SNTG1: variants seen among roughly 807,000 people sequenced by gnomAD.
The protein encoded by SNTG1 is gamma-1-syntrophin.
In SNTG1, 39 loss-of-function variants were observed where a neutral mutation model predicts 74.7. The ratio of observed to expected loss-of-function variants is 0.52; its 90% confidence interval spans 0.40 to 0.68. The LOEUF (loss-of-function observed/expected upper bound fraction) is 0.68. Among genes scored for constraint, SNTG1 ranks in the 30% least tolerant of loss-of-function variants. SNTG1 has a pLI of 0.00. For synonymous variants in SNTG1, 254 were observed against 217.1 expected, an observed-to-expected ratio of 1.17 and a Z score of -1.49; for missense variants, 685 against 609.5, an observed-to-expected ratio of 1.12 and a Z score of -1.30.
intron 1 of SNTG1, among the ~76,000 whole-genome samples, chr8:50,103,267 G>T (rs182871539): frequency 1.2e-4 from 18 of 152,234 alleles, no homozygotes; most frequent in African/African-American, 3.4e-4. Context: ...TCTTGAAGAG[G>T]TCCTTCACGT....
chr8:50,659,291 T>C (rs10958020), intron 15 of SNTG1, among the ~76,000 whole-genome samples: 32,668 of 152,068 alleles, frequency 0.21, 3,930 homozygotes, highest in African/African-American at 0.31. Context: ...AAAATTGGAA[T>C]AACCTATAAA....
intron 1 of SNTG1, among the ~76,000 whole-genome samples, chr8:50,123,563 G>C (rs2081059228): frequency 7.0e-6 from 1 of 142,458 alleles, no homozygotes; most frequent in African/African-American, 2.5e-5. Context: ...CATTATAAAA[G>C]ATGAAATATC....
At position 50,794,338 on chromosome 8, in the gene SNTG1, C is replaced by A. The variant is rs2095699668; in HGVS notation, c.*1509C>A. ...TCAAGTTGTTTTTATACTCATGATT[C>A]ATTAATTTATTTTGCATCAGATTAA... On this transcript the variant is annotated 3_prime_UTR_variant, in exon 19 of 19. Coordinates refer to ENST00000642720, the MANE Select transcript of SNTG1 (RefSeq NM_018967.5). 1 of 151,370 alleles carries A rather than the reference C, an allele frequency of 6.6e-6. No individual in the cohort carries two copies. The highest frequency in any genetic ancestry group is 6.6e-5 in the Admixed American group (1 of 15,146). The allele number at this position is 151,370 out of a possible 1,614,324, so 9.4% of individuals were successfully genotyped here.
chr8:50,138,230 G>A (rs377756167), intron 1 of SNTG1, among the ~76,000 whole-genome samples: 1 of 151,866 alleles, frequency 6.6e-6, no homozygotes, highest in East Asian at 1.9e-4. Context: ...TGTTTTCCAC[G>A]GATGACGAAA....
At chr8:49,989,876 G>A (rs1158530573) in intron 1 of SNTG1, among the ~76,000 whole-genome samples, 1 of 151,856 alleles carries the variant, frequency 6.6e-6, no homozygotes, top group Non-Finnish European at 1.5e-5. Context: ...TAATATAAAA[G>A]AAAAGCATAT....
intron 8 of SNTG1, among the ~76,000 whole-genome samples, chr8:50,484,403 T>TG (rs1423244401): frequency 6.6e-6 from 1 of 151,436 alleles, no homozygotes; most frequent in East Asian, 2.0e-4. Context: ...TTAGTAGAGA[T>TG]GGGGTTTCAC....
chr8:50,206,118 G>T (rs1453385499), intron 2 of SNTG1, among the ~76,000 whole-genome samples: 1 of 152,150 alleles, frequency 6.6e-6, no homozygotes. Context: ...GTCATTGGTA[G>T]CTTGATTGGG....
chr8:50,314,034 T>C (rs1279599711), intron 2 of SNTG1, among the ~76,000 whole-genome samples: 1 of 149,708 alleles, frequency 6.7e-6, no homozygotes, highest in Non-Finnish European at 1.5e-5. Flanking sequence ...ATGCTATCTT[T>C]TCAATCTTAG....
chr8:50,321,260 G>A (rs913664596), intron 2 of SNTG1, among the ~76,000 whole-genome samples: 4 of 152,062 alleles, frequency 2.6e-5, no homozygotes, highest in Admixed American at 6.6e-5. Context: ...TCCTCTTGCT[G>A]AATTGACTCC....
intron 18 of SNTG1, among the ~76,000 whole-genome samples, chr8:50,779,914 G>C (rs534843618): frequency 2.0e-3 from 128 of 65,420 alleles, no homozygotes; most frequent in African/African-American, 3.2e-3. Flanking sequence ...TAGCATGAAG[G>C]GTTGTTGAAT....
chr8:50,674,260 C>T (rs975794750), intron 15 of SNTG1, among the ~76,000 whole-genome samples: 17 of 151,978 alleles, frequency 1.1e-4, no homozygotes, highest in African/African-American at 4.1e-4. Flanking sequence ...GTACCAGCTC[C>T]TTTTTGTACC....
At chr8:50,234,644 G>T (rs371589312) in intron 2 of SNTG1, among the ~76,000 whole-genome samples, 1 of 151,982 alleles carries the variant, frequency 6.6e-6, no homozygotes, top group African/African-American at 2.4e-5. Context: ...CCCTGTGAAT[G>T]TATAAAAAGT....
intron 2 of SNTG1, among the ~76,000 whole-genome samples, chr8:50,281,756 T>G (rs1244809931): frequency 2.0e-5 from 3 of 152,166 alleles, no homozygotes; most frequent in Admixed American, 2.0e-4. Flanking sequence ...CATAGTAACA[T>G]TGGTTTCTTT....
At chr8:50,448,032 A>G (rs1256722202) in intron 5 of SNTG1, among the ~76,000 whole-genome samples, 1 of 152,170 alleles carries the variant, frequency 6.6e-6, no homozygotes, top group Non-Finnish European at 1.5e-5. Flanking sequence ...ACAAATCACT[A>G]TCTCTGTTCA....
At chr8:50,377,441 T>C (rs112253685) in intron 2 of SNTG1, among the ~76,000 whole-genome samples, 7,645 of 152,288 alleles carry the variant, frequency 0.05, 253 homozygotes, top group Non-Finnish European at 0.071. Context: ...TGGAAAACGT[T>C]TTATGTTTCT....
intron 2 of SNTG1, among the ~76,000 whole-genome samples, chr8:50,377,840 G>A (rs537378649): frequency 3.9e-5 from 6 of 152,308 alleles, no homozygotes; most frequent in East Asian, 1.9e-4. Flanking sequence ...ATGTTCCTCA[G>A]GGGTGAACAG....
intron 1 of SNTG1, among the ~76,000 whole-genome samples, chr8:50,056,740 T>C (rs1226205324): frequency 1.3e-5 from 2 of 152,218 alleles, no homozygotes; most frequent in Admixed American, 6.5e-5. Flanking sequence ...CAGTGTTAGC[T>C]GTAATTATCA....
At chr8:50,098,027 T>G (rs2079992858) in intron 1 of SNTG1, among the ~76,000 whole-genome samples, 1 of 152,214 alleles carries the variant, frequency 6.6e-6, no homozygotes, top group African/African-American at 2.4e-5. Context: ...TACTTCCTAC[T>G]TCTCCAAAAT....
chr8:50,053,227 C>A (rs1183211536), intron 1 of SNTG1, among the ~76,000 whole-genome samples: 1 of 152,116 alleles, frequency 6.6e-6, no homozygotes, highest in East Asian at 1.9e-4. Context: ...AATGCTTTTA[C>A]AAGGGAATAG....
Sources: gnomAD v4.1 joint callset for allele counts (sites outside exome capture counted in the v4.1 genomes callset) on GRCh38, gnomAD v4.1.1 for gene constraint, MANE v1.5 for transcripts, NCBI Gene and HGNC (gene_info 2026-07-23, HGNC 2026-07-21) for gene names.